The following MMUT variants were observed in gnomAD, a reference collection of about 807,000 sequenced individuals.
The protein encoded by MMUT is methylmalonyl-CoA mutase, mitochondrial.
In MMUT, 79 loss-of-function variants were observed where a neutral mutation model predicts 79.9. The observed-to-expected ratio is 0.99, with a 90% CI of 0.82 to 1.19. MMUT has a LOEUF of 1.19. MMUT is among the 50% of genes most tolerant of loss of function. MMUT has a pLI of 0.00. For synonymous variants in MMUT, 273 were observed against 295.7 expected, an observed-to-expected ratio of 0.92 and a Z score of 0.79; for missense variants, 860 against 917.2, an observed-to-expected ratio of 0.94 and a Z score of 0.81.
At position 49,459,118 on chromosome 6, in the gene MMUT, C is replaced by T. The variant is rs121918253; in HGVS notation, c.349G>A (p.Glu117Lys). 6.2e-7 allele frequency: 1 copy of T among 1,614,154 alleles called. No individual in the cohort carries two copies. Among genetic ancestry groups the T allele is most frequent in the Non-Finnish European group, 8.5e-7 (1 of 1,180,010 alleles). ...IRQYAGFSTV[E>K]ESNKFYKDNI... is the part of the protein sequence containing the mutation. ...TCCTTATAGAACTTATTGCTTTCTT[C>T]CACAGTACTAAAACCAGCATACTGG... The change falls in exon 2 of 13, where the codon GAA becomes AAA. Residue 117 changes from glutamate to lysine, a missense_variant. Transcript: ENST00000274813.
Position 49,453,638 on chromosome 6 carries a change from A to G in MMUT, c.1030T>C (p.Ser344Pro). The change falls in exon 5 of 13, where the codon TCT becomes CCT. Residue 344 changes from serine to proline, a missense_variant. Physicochemically the swap from Ser to Pro is moderately conservative, Grantham distance 74. Transcript: ENST00000274813. The part of the protein sequence containing the change: ...EKMFQPKNSK[S>P]LLLRAHCQTS... ...TGACAGTGTGCTCTTAGAAGAAGAG[A>G]TTTTGAGTTTTTAGGCTGAAACATT... is the stretch of plus-strand genomic sequence containing the variant. 5 of 1,613,078 alleles carry G rather than the reference A, an allele frequency of 3.1e-6. No homozygotes were observed. Among genetic ancestry groups the G allele is most frequent in the Non-Finnish European group, 4.2e-6 (5 of 1,179,414 alleles).
rs1346308476 is a variant in MMUT at position 49,442,251 on chromosome 6, G to A, written c.1677-280C>T. Among the ~76,000 whole-genome samples, 4 of 152,018 alleles carry A rather than the reference G, an allele frequency of 2.6e-5. No homozygotes were observed. In the East Asian group the frequency reaches 7.7e-4, roughly 29 times the overall value. On this transcript the variant is annotated intron_variant, in intron 9 of 12. Transcript: ENST00000274813. Reference sequence around the variant, plus strand: ...TTATATATATAGACAAGTACCTGAAGGTTGCTGAATAATTCACCACTTAAC... The same window carrying A: ...TTATATATATAGACAAGTACCTGAAAGTTGCTGAATAATTCACCACTTAAC...
Position 49,441,727 on chromosome 6 carries a change from A to G in MMUT, c.1808+113T>C, listed in dbSNP as rs182241822. Reference sequence around the variant, plus strand: ...TATTTAATTTACTATTTATTATTATAAAATTCAAAAATTTTCTCAGTTGTA... The same window carrying G: ...TATTTAATTTACTATTTATTATTATGAAATTCAAAAATTTTCTCAGTTGTA... On this transcript the variant is annotated intron_variant, in intron 10 of 12. Coordinates refer to ENST00000274813, the MANE Select transcript of MMUT (RefSeq NM_000255.4). 31 of 817,238 alleles carry G rather than the reference A, an allele frequency of 3.8e-5. No homozygotes were observed. In the South Asian group the frequency reaches 9.2e-4, roughly 24 times the overall value. The allele number at this position is 817,238 out of a possible 1,614,324, so 50.6% of individuals were successfully genotyped here. A position where few individuals can be genotyped will look rare whatever the true frequency, so the allele number is the denominator to read the frequency against.
Position 49,447,750 on chromosome 6 carries a change from A to T in MMUT, c.1480T>A (p.Leu494Met), listed in dbSNP as rs754123075. Residue 494 changes from leucine to methionine, a missense_variant, in exon 8 of 13, where the codon TTG becomes ATG. Coordinates refer to ENST00000274813, the MANE Select transcript of MMUT (RefSeq NM_000255.4). ...ACTTCTACAGCGTCTTCTTTTTCCAACTGGTACTTATTTACTCCAACAATT... is the reference window on the plus strand; with the variant it reads ...ACTTCTACAGCGTCTTCTTTTTCCATCTGGTACTTATTTACTCCAACAATT... ...EVIVGVNKYQLEKEDAVEVLA... is the reference protein window; with the variant it reads ...EVIVGVNKYQMEKEDAVEVLA... 2.9e-5 allele frequency: 47 copies of T among 1,611,718 alleles called. No homozygotes were observed. The highest frequency in any genetic ancestry group is 5.5e-5 in the South Asian group (5 of 91,024).
chr6:49,451,799 C>T, intron 5 of MMUT, 85 bp from the exon 6 acceptor site: 1 of 1,339,278 alleles, frequency 7.5e-7, no homozygotes, highest in Non-Finnish European at 1.0e-6. Context: ...TAAACAGCAA[C>T]TGCTGCATAT....
intron 4 of MMUT, 85 bp downstream of exon 4, chr6:49,455,989 CATTTAT>C (rs1352101816): frequency 1.8e-6 from 2 of 1,123,358 alleles, no homozygotes; most frequent in Non-Finnish European, 2.6e-6. Context: ...TCTAGCCTGA[CATTTAT>C]ATTTATAAAT....
At chr6:49,442,570 A>G (rs1229996235) in intron 9 of MMUT, among the ~76,000 whole-genome samples, 1 of 152,130 alleles carries the variant, frequency 6.6e-6, no homozygotes, top group Non-Finnish European at 1.5e-5. Flanking sequence ...TAAGTACTAC[A>G]AAGACACTAA....
chr6:49,456,695 G>C (rs1372081964), intron 3 of MMUT, among the ~76,000 whole-genome samples: 1 of 151,764 alleles, frequency 6.6e-6, no homozygotes. Context: ...TTTGAATGAA[G>C]GCATCAAACA....
chr6:49,437,063 TA>T (rs1423194087), intron 11 of MMUT, among the ~76,000 whole-genome samples: 1 of 152,056 alleles, frequency 6.6e-6, no homozygotes, highest in Non-Finnish European at 1.5e-5. Flanking sequence ...AAATAAAAGT[TA>T]AAAAAACAAA....
At chr6:49,448,420 T>A (rs1275859871) in intron 7 of MMUT, among the ~76,000 whole-genome samples, 1 of 152,042 alleles carries the variant, frequency 6.6e-6, no homozygotes, top group Admixed American at 6.6e-5. Flanking sequence ...GTCATAGAGG[T>A]CATGTCTGTC....
At chr6:49,456,913 T>C (rs553365010) in intron 3 of MMUT, among the ~76,000 whole-genome samples, 1 of 152,298 alleles carries the variant, frequency 6.6e-6, no homozygotes, top group South Asian at 2.1e-4. Context: ...TAAAATTTCA[T>C]GTTAGGTAGA....
In MMUT at chr6:49,447,691, C is replaced by T. The variant is rs201483594; in HGVS notation, c.1539G>A (p.Arg513=). 3.1e-6 allele frequency: 5 copies of T among 1,607,832 alleles called. No homozygotes were observed. Among genetic ancestry groups the T allele is most frequent in the Middle Eastern group, 1.7e-4 (1 of 6,028 alleles). The change falls in exon 8 of 13, where the codon AGG becomes AGA. Residue 513 remains arginine (R), a synonymous_variant. Transcript: ENST00000274813. Reference sequence around the variant, plus strand: ...ATACCTTCTTAAGTTTTTCAATCTGCCTGTTTCGCACTGAAGTATTATCAA... The same window carrying T: ...ATACCTTCTTAAGTTTTTCAATCTGTCTGTTTCGCACTGAAGTATTATCAA... ...LAIDNTSVRN[R]QIEKLKKIKS... is the part of the protein sequence containing the mutation.
At chr6:49,432,039 C>G (rs1259453417) in intron 12 of MMUT, among the ~76,000 whole-genome samples, 183 bp from the exon 13 acceptor site, 1 of 152,174 alleles carries the variant, frequency 6.6e-6, no homozygotes, top group African/African-American at 2.4e-5. Context: ...CAGCACCAGC[C>G]TCCCAGCCCA....
chr6:49,456,449 T>C (rs1001684967), intron 3 of MMUT, among the ~76,000 whole-genome samples: 9 of 152,212 alleles, frequency 5.9e-5, no homozygotes, highest in African/African-American at 2.2e-4. Flanking sequence ...TCATCAGGAC[T>C]GTACCTACTT....
chr6:49,448,405 T>C (rs746966834), intron 7 of MMUT, among the ~76,000 whole-genome samples: 7 of 152,174 alleles, frequency 4.6e-5, no homozygotes, highest in South Asian at 4.1e-4. Flanking sequence ...TTTGTGTGCA[T>C]AGAGGTCATA....
Position 49,459,167 on chromosome 6 carries a change from A to T in MMUT, c.300T>A (p.Tyr100Ter). The change falls in exon 2 of 13, where the codon TAT becomes TAA. Residue 100 changes from tyrosine (Y) to a stop codon, truncating the protein, a stop_gained. Transcript: ENST00000274813. LOFTEE classifies it high-confidence loss of function. Reference sequence around the variant, plus strand: ...GGCGGATGGTCCAGGGCCTAAAGGTATACATGGTAGGATATGGTCCACGTG... The same window carrying T: ...GGCGGATGGTCCAGGGCCTAAAGGTTTACATGGTAGGATATGGTCCACGTG... The part of the protein sequence containing the change: ...PFTRGPYPTM[Y>*]TFRPWTIRQY... The T allele has an allele frequency of 6.2e-7, 1 of 1,614,216 alleles. No homozygotes were observed. The highest frequency in any genetic ancestry group is 8.5e-7 in the Non-Finnish European group (1 of 1,180,032).
chr6:49,455,911 C>T (rs1327664349), intron 4 of MMUT, among the ~76,000 whole-genome samples, 169 bp downstream of exon 4: 1 of 152,134 alleles, frequency 6.6e-6, no homozygotes, highest in Non-Finnish European at 1.5e-5. Context: ...AAATTTAATT[C>T]TATTTTTTAT....
chr6:49,459,282 T>C lies in MMUT; in HGVS notation c.185A>G (p.His62Arg). ...TTTTATAGAGATCCCTTCCGGGGTG[T>C]GCCATATTAGGTCTTCTGGGTTTTT... ...KGKNPEDLIW[H>R]TPEGISIKPL... Residue 62 changes from histidine (H) to arginine (R), a missense_variant, in exon 2 of 13, where the codon CAC becomes CGC. His to Arg is a conservative substitution (Grantham distance 29, BLOSUM62 0). Transcript: ENST00000274813. The C allele has an allele frequency of 6.2e-7, 1 of 1,614,178 alleles. No homozygotes were observed. Among genetic ancestry groups the C allele is most frequent in the Non-Finnish European group, 8.5e-7 (1 of 1,180,040 alleles).
In MMUT at chr6:49,431,476, C is replaced by A; in HGVS notation, c.*252G>T. ...GATTTTTAAAAATAATACCATTGTC[C>A]AGAGTTCTTGATAAAGTATTGTTAT... On this transcript the variant is annotated 3_prime_UTR_variant, in exon 13 of 13. Coordinates refer to ENST00000274813, the MANE Select transcript of MMUT (RefSeq NM_000255.4). 3.8e-6 allele frequency: 1 copy of A among 265,238 alleles called. No individual in the cohort carries two copies. The highest frequency in any genetic ancestry group is 7.3e-6 in the Non-Finnish European group (1 of 137,598). 16.4% of individuals were successfully genotyped at this position (265,238 alleles called of 1,614,324 possible).
Sources: allele counts gnomAD v4.1 joint callset (sites outside exome capture counted in the v4.1 genomes callset), GRCh38; gene constraint gnomAD v4.1.1; transcripts MANE v1.5; gene names NCBI Gene and HGNC (gene_info 2026-07-23, HGNC 2026-07-21).